NLGN4X: variants seen among roughly 807,000 people sequenced by gnomAD.
NLGN4X encodes the protein neuroligin-4, X-linked.
A neutral mutation model predicts 40.3 loss-of-function variants in NLGN4X; 3 were observed. The ratio of observed to expected loss-of-function variants is 0.07; its 90% confidence interval spans 0.03 to 0.19. NLGN4X has a LOEUF of 0.19. NLGN4X is among the 10% of genes least tolerant of loss of function. The pLI is 1.00. For synonymous variants in NLGN4X, 270 were observed against 306.8 expected (o/e 0.88, Z 1.25); for missense variants, 382 against 708.3 (o/e 0.54, Z 5.23).
chrX:6,108,902 CT>C (rs2039087437), intron 2 of NLGN4X, among the ~76,000 whole-genome samples: 2 of 111,158 alleles, frequency 1.8e-5, no homozygotes, highest in South Asian at 3.8e-4. Flanking sequence ...AAGCATATCA[CT>C]GTTTTAAGCA....
chrX:5,906,990 G>A (rs2032221820), intron 4 of NLGN4X, among the ~76,000 whole-genome samples: 1 of 109,904 alleles, frequency 9.1e-6, no homozygotes, highest in South Asian at 4.0e-4. Flanking sequence ...TGAGGCAGGA[G>A]AATCGCTTTG....
chrX:6,158,423 C>T (rs1002591770), intron 1 of NLGN4X, among the ~76,000 whole-genome samples: 8 of 111,999 alleles, frequency 7.1e-5, no homozygotes, highest in African/African-American at 2.6e-4. Context: ...ACCATAAATC[C>T]ACATCCAGGA....
chrX:6,191,070 T>C, intron 1 of NLGN4X, among the ~76,000 whole-genome samples: 1 of 109,961 alleles, frequency 9.1e-6, no homozygotes, highest in South Asian at 3.8e-4. Flanking sequence ...CACTGCTTTC[T>C]ACTTTTATTT....
intron 1 of NLGN4X, among the ~76,000 whole-genome samples, chrX:6,197,171 CTT>C (rs1350881112): frequency 8.9e-6 from 1 of 111,742 alleles, no homozygotes; most frequent in Non-Finnish European, 1.9e-5. Context: ...TTCTTCTGGA[CTT>C]TATTCCAGAA....
At chrX:6,000,979 G>C (rs1245745280) in intron 3 of NLGN4X, among the ~76,000 whole-genome samples, 1 of 111,635 alleles carries the variant, frequency 9.0e-6, no homozygotes, top group African/African-American at 3.3e-5. Flanking sequence ...GCATGGCTGG[G>C]GAGTCCTCAG....
chrX:6,095,144 T>TG (rs2038740868), intron 2 of NLGN4X, among the ~76,000 whole-genome samples: 5 of 99,030 alleles, frequency 5.0e-5, no homozygotes, highest in African/African-American at 1.9e-4. Flanking sequence ...TGTGTGTGTG[T>TG]GTGTGTAATT....
At chrX:6,170,909 A>G (rs1175142149) in intron 1 of NLGN4X, among the ~76,000 whole-genome samples, 5 of 111,278 alleles carry the variant, frequency 4.5e-5, no homozygotes, top group African/African-American at 1.6e-4. Context: ...CCGCAGCCCC[A>G]ACCTTCCAGG....
chrX:5,940,788 C>T (rs1029615133), intron 3 of NLGN4X, among the ~76,000 whole-genome samples: 5 of 109,748 alleles, frequency 4.6e-5, no homozygotes, highest in African/African-American at 1.0e-4. Context: ...CCTGACATAG[C>T]GTAAGTCAAT....
chrX:6,030,448 A>C (rs1459407473), intron 2 of NLGN4X, among the ~76,000 whole-genome samples: 2 of 96,361 alleles, frequency 2.1e-5, no homozygotes, highest in Non-Finnish European at 4.1e-5. Context: ...TTTGTAACTA[A>C]AAGAAAACTC....
chrX:6,161,036 A>C (rs1320767293), intron 1 of NLGN4X, among the ~76,000 whole-genome samples: 2 of 94,829 alleles, frequency 2.1e-5, no homozygotes, highest in South Asian at 9.5e-4. Context: ...TATAAAATAT[A>C]TTATTCTATA....
chrX:5,931,113 G>T (rs1023252947), intron 3 of NLGN4X, among the ~76,000 whole-genome samples: 1 of 112,105 alleles, frequency 8.9e-6, no homozygotes, highest in East Asian at 2.8e-4. Context: ...ATATAGTGAT[G>T]GGTTGGGAGG....
intron 2 of NLGN4X, among the ~76,000 whole-genome samples, chrX:6,114,536 AC>A (rs2039228979): frequency 9.1e-6 from 1 of 109,301 alleles, no homozygotes; most frequent in Non-Finnish European, 1.9e-5. Flanking sequence ...ACACACACAC[AC>A]ACACACACAC....
Position 6,155,684 on chromosome X carries a change from C to T in NLGN4X, c.-305-3913G>A, listed in dbSNP as rs184804888. On this transcript the variant is annotated intron_variant, in intron 1 of 5. Transcript: ENST00000381095. ...TTTTAATATTCTGGTTTTTATTTCCCCTCCTACATAAAGGAGATTACAATC... is the reference window on the plus strand; with the variant it reads ...TTTTAATATTCTGGTTTTTATTTCCTCTCCTACATAAAGGAGATTACAATC... Among the ~76,000 whole-genome samples the T allele has an allele frequency of 9.8e-5, 11 of 112,370 alleles. No individual in the cohort carries two copies. In the East Asian group the frequency reaches 3.1e-3, roughly 31 times the overall value.
intron 2 of NLGN4X, among the ~76,000 whole-genome samples, chrX:6,123,746 A>G (rs1384923591): frequency 9.4e-6 from 1 of 105,912 alleles, no homozygotes; most frequent in Non-Finnish European, 1.9e-5. Flanking sequence ...AATCCCAACT[A>G]TAAGGAAAAA....
At chrX:6,150,667 A>G (rs977928618) in intron 2 of NLGN4X, among the ~76,000 whole-genome samples, 2 of 112,173 alleles carry the variant, frequency 1.8e-5, no homozygotes, top group African/African-American at 6.5e-5. Context: ...TCATTCCTTT[A>G]CAGATGATTC....
intron 3 of NLGN4X, among the ~76,000 whole-genome samples, chrX:6,003,983 C>T (rs2036040053): frequency 8.9e-6 from 1 of 112,415 alleles, no homozygotes; most frequent in South Asian, 3.7e-4. Flanking sequence ...GGTAGAGCAG[C>T]GAGTGAGCAG....
intron 2 of NLGN4X, among the ~76,000 whole-genome samples, chrX:6,105,335 ACT>A (rs1257502735): frequency 1.8e-5 from 2 of 111,625 alleles, no homozygotes; most frequent in Non-Finnish European, 3.8e-5. Flanking sequence ...CTTTAGACAA[ACT>A]TGATTCATGA....
rs1235182311 is a variant in NLGN4X at position 6,056,475 on chromosome X, CA to C, written c.473-27044del. On this transcript the variant is annotated intron_variant, in intron 2 of 5. Coordinates refer to ENST00000381095, the MANE Select transcript of NLGN4X (RefSeq NM_181332.3). ...AGGGTGATAGAGGGAGATTCCATCT[CA>C]AAAAAAAAAAAAGATAAAACATAGA... 8.4e-3 allele frequency among the ~76,000 whole-genome samples: 771 copies of C among 92,329 alleles called. 4 individuals carry two copies. Among genetic ancestry groups the C allele is most frequent in the African/African-American group, 0.024 (598 of 25,352 alleles). 80.2% of individuals were successfully genotyped at this position (92,329 alleles called of 115,157 possible). A position where few individuals can be genotyped will look rare whatever the true frequency, so the allele number is the denominator to read the frequency against.
intron 1 of NLGN4X, among the ~76,000 whole-genome samples, chrX:6,175,287 T>C (rs1427553064): frequency 9.0e-6 from 1 of 111,182 alleles, no homozygotes; most frequent in African/African-American, 3.3e-5. Flanking sequence ...AGGATGAGTA[T>C]AGTATAAAAT....
Sources: gnomAD v4.1 joint callset for allele counts (sites outside exome capture counted in the v4.1 genomes callset) on GRCh38, gnomAD v4.1.1 for gene constraint, MANE v1.5 for transcripts, NCBI Gene and HGNC (gene_info 2026-07-23, HGNC 2026-07-21) for gene names.